The following DYNC1I1 variants were observed in gnomAD, a reference collection of about 807,000 sequenced individuals.
DYNC1I1 encodes dynein cytoplasmic 1 intermediate chain 1, also known as cytoplasmic dynein 1 intermediate chain 1.
Under a neutral mutation model 86.6 loss-of-function variants are expected in DYNC1I1, and 43 were observed. The ratio of observed to expected loss-of-function variants is 0.50; its 90% CI spans 0.39 to 0.64. The LOEUF is 0.64. Among genes scored for constraint, DYNC1I1 ranks in the 30% least tolerant of loss-of-function variants. The pLI is 0.00. For synonymous variants in DYNC1I1, 262 were observed against 283.7 expected, an observed-to-expected ratio of 0.92 and a Z score of 0.77; for missense variants, 604 against 788.8, an observed-to-expected ratio of 0.77 and a Z score of 2.81.
chr7:95,954,768 T>G (rs1374812186), intron 6 of DYNC1I1, among the ~76,000 whole-genome samples: 1 of 151,408 alleles, frequency 6.6e-6, no homozygotes, highest in Non-Finnish European at 1.5e-5. Context: ...ACAAAATAAT[T>G]AGCCAGGCGT....
chr7:96,106,719 T>C (rs947235495), intron 16 of DYNC1I1, among the ~76,000 whole-genome samples: 4 of 152,184 alleles, frequency 2.6e-5, no homozygotes, highest in African/African-American at 9.6e-5. Context: ...ATTTGGAAAG[T>C]TTTCCAGAAA....
chr7:96,052,673 T>C (rs1359813696), intron 14 of DYNC1I1, among the ~76,000 whole-genome samples: 1 of 152,184 alleles, frequency 6.6e-6, no homozygotes, highest in Non-Finnish European at 1.5e-5. Flanking sequence ...GTTATTTGGA[T>C]GCTAAAGTGC....
intron 1 of DYNC1I1, among the ~76,000 whole-genome samples, chr7:95,786,520 G>C (rs959661498): frequency 6.6e-6 from 1 of 152,150 alleles, no homozygotes; most frequent in African/African-American, 2.4e-5. Context: ...ATTTGTGTAA[G>C]TCCCACAGTA....
intron 4 of DYNC1I1, among the ~76,000 whole-genome samples, chr7:95,821,199 A>C (rs1438417025): frequency 6.6e-6 from 1 of 152,264 alleles, no homozygotes; most frequent in African/African-American, 2.4e-5. Context: ...TTTATTGTCT[A>C]TCAGATACTA....
intron 6 of DYNC1I1, among the ~76,000 whole-genome samples, chr7:95,880,960 C>T (rs967721945): frequency 1.3e-5 from 2 of 152,032 alleles, no homozygotes; most frequent in Non-Finnish European, 2.9e-5. Flanking sequence ...TTTTGGCCTC[C>T]CTCCATTTTT....
intron 5 of DYNC1I1, among the ~76,000 whole-genome samples, chr7:95,828,780 A>G (rs1795258223): frequency 6.6e-6 from 1 of 152,170 alleles, no homozygotes; most frequent in African/African-American, 2.4e-5. Flanking sequence ...TAAAACACAC[A>G]GACATATCCT....
intron 12 of DYNC1I1, among the ~76,000 whole-genome samples, chr7:96,033,366 A>T (rs762112237): frequency 7.9e-5 from 12 of 152,212 alleles, no homozygotes; most frequent in Non-Finnish European, 1.5e-4. Flanking sequence ...GTGGGGACCA[A>T]ACAAAGGAAT....
At chr7:95,977,705 C>G in intron 7 of DYNC1I1, 104 bp downstream of exon 7, 1 of 948,574 alleles carries the variant, frequency 1.1e-6, no homozygotes, top group South Asian at 2.0e-5. Flanking sequence ...AATTTGCATC[C>G]CCTATATGGA....
At chr7:95,865,788 T>G (rs148188704) in intron 5 of DYNC1I1, among the ~76,000 whole-genome samples, 144 of 152,324 alleles carry the variant, frequency 9.5e-4, no homozygotes, top group African/African-American at 3.2e-3. Context: ...CCATCTAGCC[T>G]AGACGTATAG....
At chr7:96,090,235 T>TTTG (rs781614273) in intron 16 of DYNC1I1, among the ~76,000 whole-genome samples, 86 of 151,990 alleles carry the variant, frequency 5.7e-4, no homozygotes, top group Admixed American at 1.0e-3. Flanking sequence ...TCTTCGGATA[T>TTTG]TTGTTGTTGT....
intron 6 of DYNC1I1, among the ~76,000 whole-genome samples, chr7:95,933,574 G>A (rs1791959878): frequency 6.6e-6 from 1 of 152,074 alleles, no homozygotes; most frequent in Admixed American, 6.6e-5. Context: ...ACCAAATGTG[G>A]GTTTTGGCAA....
chr7:95,940,311 GTTCTCTGTAT>G (rs1792171813), intron 6 of DYNC1I1, among the ~76,000 whole-genome samples: 1 of 151,886 alleles, frequency 6.6e-6, no homozygotes, highest in Non-Finnish European at 1.5e-5. Context: ...TCTTTGTGGT[GTTCTCTGTAT>G]TTCCTGAATC....
chr7:95,981,111 G>A (rs976541986), intron 7 of DYNC1I1, among the ~76,000 whole-genome samples: 2 of 152,054 alleles, frequency 1.3e-5, no homozygotes, highest in Non-Finnish European at 2.9e-5. Flanking sequence ...CATATTTGTA[G>A]TAGATATTTT....
In DYNC1I1 at chr7:95,880,187, T is replaced by A. The variant is rs548149902; in HGVS notation, c.490+10189T>A. On this transcript the variant is annotated intron_variant, in intron 6 of 16. Transcript: ENST00000447467. ...GTACTATTTCAAAACCCCGACACCT[T>A]GGTACATTGCCTGGAAATCTAACCC... 9.9e-5 allele frequency among the ~76,000 whole-genome samples: 15 copies of A among 152,280 alleles called. No homozygotes were observed. In the South Asian group the frequency reaches 3.1e-3, roughly 32 times the overall value.
intron 1 of DYNC1I1, among the ~76,000 whole-genome samples, chr7:95,786,613 G>A (rs1357602313): frequency 6.6e-6 from 1 of 152,126 alleles, no homozygotes; most frequent in Admixed American, 6.5e-5. Context: ...ATTTAGCATC[G>A]TGGAGCCAAC....
intron 1 of DYNC1I1, among the ~76,000 whole-genome samples, chr7:95,785,236 A>C (rs930517788): frequency 1.3e-5 from 2 of 151,836 alleles, no homozygotes; most frequent in Admixed American, 6.6e-5. Context: ...ACATGGTAAA[A>C]CCCCGTCTCT....
chr7:95,944,738 T>C (rs1159901030), intron 6 of DYNC1I1, among the ~76,000 whole-genome samples: 2 of 151,904 alleles, frequency 1.3e-5, no homozygotes, highest in African/African-American at 4.8e-5. Context: ...ATGGATGAAA[T>C]TGGAAATCAT....
chr7:96,039,202 G>C lies in DYNC1I1; in HGVS notation c.1365-75G>C, dbSNP rs1788963159. On this transcript the variant is annotated intron_variant, in intron 13 of 16. Transcript: ENST00000447467. ...GGAGATGCAGAGTTGAGGGTTTTTT[G>C]TTTTGTTTTGTTTTTAAGCAATCAT... 5 of 1,505,584 alleles carry C rather than the reference G, an allele frequency of 3.3e-6. No individual in the cohort carries two copies. In the South Asian group the frequency reaches 5.3e-5, roughly 16 times the overall value. 93.3% of individuals were successfully genotyped at this position (1,505,584 alleles called of 1,614,324 possible).
chr7:95,905,627 G>A (rs1791156106), intron 6 of DYNC1I1, among the ~76,000 whole-genome samples: 1 of 151,884 alleles, frequency 6.6e-6, no homozygotes, highest in Non-Finnish European at 1.5e-5. Flanking sequence ...TGCATGAGAT[G>A]TTCGCCAGGG....
Sources: allele counts gnomAD v4.1 joint callset (sites outside exome capture counted in the v4.1 genomes callset), GRCh38; gene constraint gnomAD v4.1.1; transcripts MANE v1.5; gene names NCBI Gene and HGNC (gene_info 2026-07-23, HGNC 2026-07-21).